Variants in STRIP1 observed in about 807,000 individuals in gnomAD.
The protein encoded by STRIP1 is striatin interacting protein 1, also known as striatin-interacting protein 1.
Under a neutral mutation model 106.2 loss-of-function variants are expected in STRIP1, and 63 were observed. The ratio of observed to expected loss-of-function variants is 0.59; its 90% CI spans 0.48 to 0.73. The LOEUF (loss-of-function observed/expected upper bound fraction) is 0.73. STRIP1 is among the 30% of genes least tolerant of loss of function. STRIP1 has a pLI of 0.00. For missense variants in STRIP1, 857 were observed against 1,074.8 expected (o/e 0.80, Z 2.83); for synonymous variants, 390 against 413.0 (o/e 0.94, Z 0.67).
At chr1:110,043,029 G>T in intron 8 of STRIP1, 59 bp from the exon 9 acceptor site, 1 of 1,507,410 alleles carries the variant, frequency 6.6e-7, no homozygotes, top group South Asian at 1.2e-5. Context: ...TGACACAATG[G>T]TCAGGGGCCA....
intron 8 of STRIP1, among the ~76,000 whole-genome samples, chr1:110,042,139 C>T (rs981615206): frequency 6.6e-6 from 1 of 152,178 alleles, no homozygotes; most frequent in Non-Finnish European, 1.5e-5. Flanking sequence ...GACAAGTTGC[C>T]TCTCAGCAAG....
Position 110,054,141 on chromosome 1 carries a change from A to C in STRIP1, c.*229A>C. The C allele has an allele frequency of 1.8e-6, 1 of 541,626 alleles. No individual in the cohort carries two copies. The highest frequency in any genetic ancestry group is 3.2e-5 in the East Asian group (1 of 31,426). 33.6% of individuals were successfully genotyped at this position (541,626 alleles called of 1,614,324 possible). ...TCTGCCTGAGATCCATTCTTCCTTT[A>C]CTTCCCCCACCCTCCTCTCTTGGAT... On this transcript the variant is annotated 3_prime_UTR_variant, in exon 21 of 21. Transcript: ENST00000369795.
chr1:110,038,012 T>G (rs1159099507), intron 2 of STRIP1, 52 bp downstream of exon 2: 1 of 1,108,240 alleles, frequency 9.0e-7, no homozygotes, highest in East Asian at 2.4e-5. Context: ...CTTATTGGTC[T>G]TTAATAAAAT....
At chr1:110,038,086 A>G (rs200874434) in intron 2 of STRIP1, 126 bp downstream of exon 2, 22,072 of 152,612 alleles carry the variant, frequency 0.14, 2,849 homozygotes, top group South Asian at 0.4. Context: ...ATATATATAT[A>G]TATATATATA....
intron 1 of STRIP1, among the ~76,000 whole-genome samples, chr1:110,035,358 CAT>C (rs919598728): frequency 1.3e-5 from 2 of 152,188 alleles, no homozygotes; most frequent in Non-Finnish European, 2.9e-5. Flanking sequence ...GAGGGGGAAA[CAT>C]GTCCTGTTCT....
chr1:110,053,223 C>A (rs1028123233), intron 20 of STRIP1, among the ~76,000 whole-genome samples: 2 of 152,202 alleles, frequency 1.3e-5, no homozygotes, highest in East Asian at 1.9e-4. Context: ...TGCGTTGTTG[C>A]GTTTCTGGAA....
chr1:110,035,006 TTGC>T (rs1652373350), intron 1 of STRIP1, among the ~76,000 whole-genome samples, 189 bp downstream of exon 1: 1 of 152,136 alleles, frequency 6.6e-6, no homozygotes, highest in Non-Finnish European at 1.5e-5. Flanking sequence ...GCATGAGTCC[TTGC>T]TCTAGCTCCG....
chr1:110,043,850 A>T lies in STRIP1; in HGVS notation c.1280A>T (p.Lys427Met). Residue 427 changes from lysine to methionine, a missense_variant, in exon 10 of 21, where the codon AAG (lysine) becomes ATG (methionine). By Grantham distance (95) the Lys-to-Met change is moderately conservative. Transcript: ENST00000369795. ...TCPKGLPWAP[K>M]VREKDIEMFL... ...CCCAAAGGGCTCCCGTGGGCTCCCA[A>T]GGTCAGGTGAGTCTCAGACCTCCAG... 2 of 1,613,736 alleles carry T rather than the reference A, an allele frequency of 1.2e-6. No homozygotes were observed. Among genetic ancestry groups the T allele is most frequent in the Non-Finnish European group, 1.7e-6 (2 of 1,179,950 alleles).
At chr1:110,046,644 T>C (rs776804993) in intron 12 of STRIP1, 36 bp from the exon 13 acceptor site, 1 of 1,601,444 alleles carries the variant, frequency 6.2e-7, no homozygotes, top group Non-Finnish European at 8.6e-7. Flanking sequence ...CAGAGAATGT[T>C]TTCCCCAGCC....
At chr1:110,047,712 C>T in intron 14 of STRIP1, 60 bp from the exon 15 acceptor site, 1 of 1,538,794 alleles carries the variant, frequency 6.5e-7, no homozygotes, top group South Asian at 1.2e-5. Flanking sequence ...GAGGACTGCT[C>T]AGAGCTTAAT....
chr1:110,049,208 C>T lies in STRIP1; in HGVS notation c.1758C>T (p.Leu586=). The change falls in exon 16 of 21, where the codon CTC becomes CTT. Residue 586 remains leucine (L), a synonymous_variant. Transcript: ENST00000369795. The stretch of plus-strand genomic sequence containing the variant: ...TTTCTGCTGTCCTGCTGCTGCTGCT[C>T]AAGCACTTTAAGTTGAACCATGTCT... ...KAISAVLLLL[L]KHFKLNHVYQ... The T allele has an allele frequency of 6.2e-7, 1 of 1,614,208 alleles. No individual in the cohort carries two copies. The highest frequency in any genetic ancestry group is 8.5e-7 in the Non-Finnish European group (1 of 1,180,054).
intron 6 of STRIP1, chr1:110,041,292 T>C (rs989982713): frequency 2.7e-6 from 1 of 376,978 alleles, no homozygotes; most frequent in Admixed American, 4.3e-5. Flanking sequence ...TCATAAACCC[T>C]GTTTTTGTTC....
chr1:110,048,168 G>GCC (rs1653120608), intron 15 of STRIP1: 1 of 354,950 alleles, frequency 2.8e-6, no homozygotes, highest in Admixed American at 3.9e-5. Context: ...TTTCCCCAAA[G>GCC]CCCCACTCTC....
intron 20 of STRIP1, among the ~76,000 whole-genome samples, chr1:110,053,075 C>T (rs559059979): frequency 3.3e-5 from 5 of 152,346 alleles, no homozygotes; most frequent in African/African-American, 1.2e-4. Flanking sequence ...CCATCATACC[C>T]AGAGCTCCAG....
chr1:110,043,930 C>T, intron 10 of STRIP1, 74 bp downstream of exon 10: 1 of 1,382,292 alleles, frequency 7.2e-7, no homozygotes, highest in Non-Finnish European at 1.0e-6. Flanking sequence ...GCCACCTGGC[C>T]TGTGTCACCA....
chr1:110,051,654 T>G, intron 19 of STRIP1, 29 bp from the exon 20 acceptor site: 2 of 1,569,440 alleles, frequency 1.3e-6, no homozygotes, highest in Non-Finnish European at 1.7e-6. Flanking sequence ...TGTCTTCAAC[T>G]TGGGCTGCTT....
intron 13 of STRIP1, 33 bp downstream of exon 13, chr1:110,046,784 G>C (rs1653043046): frequency 5.8e-6 from 9 of 1,541,064 alleles, no homozygotes; most frequent in Non-Finnish European, 6.3e-6. Flanking sequence ...GGGCGCGGTG[G>C]CTCACGCCTG....
intron 20 of STRIP1, 77 bp downstream of exon 20, chr1:110,051,964 A>T (rs887302434): frequency 1.4e-6 from 2 of 1,454,104 alleles, no homozygotes; most frequent in African/African-American, 2.8e-5. Context: ...TGCCCGTGGT[A>T]CTCAGGTACT....
upstream of STRIP1, among the ~76,000 whole-genome samples, chr1:110,032,275 T>C (rs764544361): frequency 5.3e-5 from 8 of 152,152 alleles, no homozygotes; most frequent in Non-Finnish European, 1.0e-4. Context: ...GGAAGATAGG[T>C]AGGAGGAAAT....
Sources: allele counts gnomAD v4.1 joint callset (sites outside exome capture counted in the v4.1 genomes callset), GRCh38; gene constraint gnomAD v4.1.1; transcripts MANE v1.5; gene names NCBI Gene and HGNC (gene_info 2026-07-23, HGNC 2026-07-21).